Variants in ESRRG observed in about 807,000 individuals in gnomAD.
The protein encoded by ESRRG is estrogen-related receptor gamma.
In ESRRG, 13 loss-of-function variants were observed where a neutral mutation model predicts 44.0. The observed-to-expected ratio is 0.30, with a 90% CI of 0.19 to 0.47. The LOEUF is 0.47. ESRRG is among the 20% of genes least tolerant of loss of function. ESRRG has a pLI of 1.00. For missense variants in ESRRG, 395 were observed against 580.6 expected, an observed-to-expected ratio of 0.68 and a Z score of 3.29; for synonymous variants, 215 against 214.6, an observed-to-expected ratio of 1.00 and a Z score of -0.02.
chr1:216,750,546 CA>C (rs1291475265), intron 2 of ESRRG, among the ~76,000 whole-genome samples: 1 of 152,042 alleles, frequency 6.6e-6, no homozygotes, highest in Non-Finnish European at 1.5e-5. Flanking sequence ...TATTTAAATA[CA>C]ATTCATTCAG....
chr1:216,557,045 T>C (rs10863254), intron 5 of ESRRG, among the ~76,000 whole-genome samples: 26,742 of 152,138 alleles, frequency 0.18, 2,945 homozygotes, highest in Middle Eastern at 0.25. Flanking sequence ...CCCAGTGATC[T>C]GAAGAGAGTC....
At chr1:217,046,848 C>T (rs1440155319) in intron 1 of ESRRG, among the ~76,000 whole-genome samples, 1 of 151,552 alleles carries the variant, frequency 6.6e-6, no homozygotes, top group African/African-American at 2.4e-5. Flanking sequence ...ATGCCACAGG[C>T]ACTCAGCTTG....
chr1:217,051,205 G>GGC (rs1553259204), intron 1 of ESRRG, among the ~76,000 whole-genome samples: 3 of 44,918 alleles, frequency 6.7e-5, no homozygotes, highest in African/African-American at 1.4e-4. Context: ...TAATGGGGGC[G>GGC]GGGGGGGGGG....
At chr1:216,717,541 A>G (rs1208352612) in intron 1 of ESRRG, among the ~76,000 whole-genome samples, 1 of 151,876 alleles carries the variant, frequency 6.6e-6, no homozygotes, top group Admixed American at 6.6e-5. Context: ...ACACAATAGC[A>G]GTAAATTTGT....
intron 2 of ESRRG, among the ~76,000 whole-genome samples, chr1:216,841,809 G>A (rs1179932602): frequency 6.6e-6 from 1 of 152,034 alleles, no homozygotes; most frequent in Admixed American, 6.6e-5. Flanking sequence ...TCAGCAAATA[G>A]AGCAATCTTT....
chr1:216,973,775 G>A (rs987222683), intron 1 of ESRRG, among the ~76,000 whole-genome samples: 2 of 149,336 alleles, frequency 1.3e-5, no homozygotes, highest in Admixed American at 1.3e-4. Context: ...GCGGTGAGCT[G>A]AGATAGTGCC....
intron 2 of ESRRG, among the ~76,000 whole-genome samples, chr1:216,787,587 G>C (rs2094171764): frequency 8.5e-6 from 1 of 117,330 alleles, no homozygotes; most frequent in East Asian, 2.5e-4. Flanking sequence ...GGGTGACAGA[G>C]CAAGACTCCA....
chr1:216,686,946 G>A (rs2151657122), intron 1 of ESRRG, among the ~76,000 whole-genome samples: 1 of 152,234 alleles, frequency 6.6e-6, no homozygotes, highest in South Asian at 2.1e-4. Context: ...ATTGCACCGA[G>A]GAGCACTCTT....
Position 217,066,323 on chromosome 1 carries a change from C to T in ESRRG, c.-106+23184G>A, listed in dbSNP as rs1410311664. 2.1e-5 allele frequency among the ~76,000 whole-genome samples: 3 copies of T among 141,496 alleles called. No homozygotes were observed. In the East Asian group the frequency reaches 6.5e-4, roughly 31 times the overall value. 92.8% of individuals were successfully genotyped at this position (141,496 alleles called of 152,430 possible). On this transcript the variant is annotated intron_variant, in intron 1 of 7. Coordinates refer to the ESRRG transcript ENST00000359162. Reference sequence around the variant, plus strand: ...AGGCTGGAGTGCAGTGGCGCGATCTCGGCTCACTTCAAGCTCCGCCTCCCG... The same window carrying T: ...AGGCTGGAGTGCAGTGGCGCGATCTTGGCTCACTTCAAGCTCCGCCTCCCG...
Position 216,678,528 on chromosome 1 carries a change from T to C in ESRRG, c.57-1037A>G, listed in dbSNP as rs180839749. Among the ~76,000 whole-genome samples the C allele has an allele frequency of 3.0e-4, 45 of 152,316 alleles. No individual in the cohort carries two copies. The East Asian group carries it at 7.3e-3, about 25-fold the overall frequency. On this transcript the variant is annotated intron_variant, in intron 1 of 6. Transcript: ENST00000408911. ...TCCTAAAAGGAAAAATGATGAAACA[T>C]CTAATCTGACACACTGTTTCTCTTA...
At chr1:216,935,074 T>G (rs1578341913) in intron 2 of ESRRG, among the ~76,000 whole-genome samples, 1 of 152,146 alleles carries the variant, frequency 6.6e-6, no homozygotes, top group East Asian at 1.9e-4. Context: ...TAGGAAAAAT[T>G]AAACTGCTTT....
intron 1 of ESRRG, chr1:216,714,989 C>T (rs2084514594): frequency 1.5e-6 from 1 of 665,566 alleles, no homozygotes; most frequent in African/African-American, 2.0e-5. Context: ...GCCTGAGCTT[C>T]TGTGCATAAA....
chr1:216,691,817 G>A (rs1404980391), intron 1 of ESRRG, among the ~76,000 whole-genome samples: 1 of 152,130 alleles, frequency 6.6e-6, no homozygotes, highest in East Asian at 1.9e-4. Flanking sequence ...CATGCATCAT[G>A]TAACAACACG....
At chr1:216,689,576 T>A (rs1391765224) in intron 1 of ESRRG, among the ~76,000 whole-genome samples, 1 of 152,044 alleles carries the variant, frequency 6.6e-6, no homozygotes, top group African/African-American at 2.4e-5. Flanking sequence ...ATTTTGGGAT[T>A]TTTTGGATTT....
At chr1:217,057,527 G>A (rs1021660169) in intron 1 of ESRRG, among the ~76,000 whole-genome samples, 4 of 151,938 alleles carry the variant, frequency 2.6e-5, no homozygotes, top group Non-Finnish European at 5.9e-5. Context: ...ATGACCATCT[G>A]ATTAGAAAAG....
upstream of ESRRG, among the ~76,000 whole-genome samples, chr1:217,094,151 C>G (rs1204697899): frequency 6.6e-6 from 1 of 152,176 alleles, no homozygotes; most frequent in African/African-American, 2.4e-5. Context: ...TCCAGAGTTG[C>G]TGGGATTACA....
chr1:216,925,795 A>G (rs1260954478), intron 2 of ESRRG, among the ~76,000 whole-genome samples: 4 of 152,022 alleles, frequency 2.6e-5, no homozygotes, highest in Non-Finnish European at 5.9e-5. Context: ...TCCTAAAAAT[A>G]CAAAAATTAG....
chr1:216,851,529 C>T (rs114247585), intron 2 of ESRRG, among the ~76,000 whole-genome samples: 25 of 152,054 alleles, frequency 1.6e-4, no homozygotes, highest in African/African-American at 5.1e-4. Context: ...GGCCAGAGAG[C>T]GCTCTTGCCC....
chr1:216,635,808 AC>A lies in ESRRG; in HGVS notation c.589+15164del, dbSNP rs543370608. Among the ~76,000 whole-genome samples, 921 of 152,242 alleles carry A rather than the reference AC, an allele frequency of 6.0e-3. 2 individuals are homozygous for A. The highest frequency in any genetic ancestry group is 9.7e-3 in the Non-Finnish European group (660 of 68,026). On this transcript the variant is annotated intron_variant, in intron 3 of 6. Transcript: ENST00000408911. ...ATGGACAGCGAGCAATGTGAAGACAACCTAAGCCTGCTGTGAACATAGCACT... is the reference window on the plus strand; with the variant it reads ...ATGGACAGCGAGCAATGTGAAGACAACTAAGCCTGCTGTGAACATAGCACT...
Sources: allele counts gnomAD v4.1 joint callset (sites outside exome capture counted in the v4.1 genomes callset), GRCh38; gene constraint gnomAD v4.1.1; transcripts MANE v1.5; gene names NCBI Gene and HGNC (gene_info 2026-07-23, HGNC 2026-07-21).